WDR17: variants seen among roughly 807,000 people sequenced by gnomAD.
WDR17 encodes WD repeat-containing protein 17.
WDR17 carries 143 observed loss-of-function variants against 161.7 expected under a neutral mutation model. That is an observed-to-expected ratio of 0.88 (90% CI 0.77 to 1.02). The LOEUF is 1.02. Ranked by LOEUF, WDR17 falls within the 50% of genes least tolerant of loss-of-function variation. The probability of loss-of-function intolerance (pLI) is 0.00; values close to 1 mark genes in which losing one functional copy is unlikely to be tolerated. For synonymous variants in WDR17, 517 were observed against 515.6 expected, an observed-to-expected ratio of 1.00 and a Z score of -0.04; for missense variants, 1,469 against 1,520.9, an observed-to-expected ratio of 0.97 and a Z score of 0.57.
rs562347566 is a variant in WDR17 at position 176,093,057 on chromosome 4, G to T, written c.-6-18518G>T. Among the ~76,000 whole-genome samples, 29 of 151,680 alleles carry T rather than the reference G, an allele frequency of 1.9e-4. No individual in the cohort carries two copies. In the South Asian group the frequency reaches 6.1e-3, roughly 32 times the overall value. On this transcript the variant is annotated intron_variant, in intron 1 of 28. Coordinates refer to ENST00000508596, the MANE Select transcript of WDR17 (RefSeq NM_181265.4). ...ACTGTGTCTCAAAATAAAAAAGAAA[G>T]AAAAGAAAAGAAATCAAGAATGTAG...
chr4:176,144,983 T>C (rs1248077436), intron 11 of WDR17, among the ~76,000 whole-genome samples: 1 of 152,212 alleles, frequency 6.6e-6, no homozygotes, highest in Non-Finnish European at 1.5e-5. Context: ...CTTGAGAAGA[T>C]GTAATCTGCA....
At position 176,177,590 on chromosome 4, in the gene WDR17, C is replaced by T; in HGVS notation, c.3668C>T (p.Thr1223Ile). 2 of 1,596,754 alleles carry T rather than the reference C, an allele frequency of 1.3e-6. No individual in the cohort carries two copies. Among genetic ancestry groups the T allele is most frequent in the South Asian group, 1.1e-5 (1 of 87,768 alleles). ...GGAATTATTGGACCAGATTATGTGA[C>T]TGGATCAAATCTTCCAAGTCATTCT... is the stretch of plus-strand genomic sequence containing the variant. ...LKGIIGPDYV[T>I]GSNLPSHSDI... Residue 1223 changes from threonine (T) to isoleucine (I), a missense_variant, in exon 28 of 29, where the codon ACT becomes ATT. Physicochemically the swap from Thr to Ile is moderately conservative, Grantham distance 89. Coordinates refer to ENST00000508596, the MANE Select transcript of WDR17 (RefSeq NM_181265.4).
chr4:176,167,490 C>CA (rs781511820), intron 22 of WDR17, among the ~76,000 whole-genome samples: 4 of 150,062 alleles, frequency 2.7e-5, no homozygotes, highest in Non-Finnish European at 4.4e-5. Flanking sequence ...ACTAAAAATA[C>CA]AAAAAATTAG....
chr4:176,153,739 TAAATC>T (rs1419605086), intron 17 of WDR17, among the ~76,000 whole-genome samples: 2 of 152,160 alleles, frequency 1.3e-5, no homozygotes, highest in Non-Finnish European at 2.9e-5. Context: ...TACATTAAAA[TAAATC>T]AAAACTAAAT....
chr4:176,169,187 A>G (rs1482919565), intron 23 of WDR17, among the ~76,000 whole-genome samples: 1 of 152,180 alleles, frequency 6.6e-6, no homozygotes, highest in Non-Finnish European at 1.5e-5. Flanking sequence ...AATTTTTAAA[A>G]TAGACAACTT....
At chr4:176,107,458 G>A (rs912624066) in intron 1 of WDR17, among the ~76,000 whole-genome samples, 1 of 149,524 alleles carries the variant, frequency 6.7e-6, no homozygotes, top group Admixed American at 6.7e-5. Context: ...TGAAAGCAGG[G>A]TGTGGAAGAG....
At chr4:176,077,155 ATTTTTTTTTTTTT>A (rs66817611) in intron 1 of WDR17, among the ~76,000 whole-genome samples, 75,276 of 126,218 alleles carry the variant, frequency 0.6, 21,362 homozygotes, top group South Asian at 0.7. Context: ...TTTTCTCCCA[ATTTTTTTTTTTTT>A]TTTTTTTTTT....
At chr4:176,093,887 A>T (rs991568722) in intron 1 of WDR17, among the ~76,000 whole-genome samples, 1 of 152,230 alleles carries the variant, frequency 6.6e-6, no homozygotes, top group Non-Finnish European at 1.5e-5. Flanking sequence ...TTAATCTGAG[A>T]TTACATAATG....
chr4:176,152,561 G>C (rs191880906), intron 17 of WDR17, among the ~76,000 whole-genome samples: 1 of 124,912 alleles, frequency 8.0e-6, no homozygotes, highest in Non-Finnish European at 1.6e-5. Flanking sequence ...AGCCGAGATC[G>C]TGCCACTGTA....
Position 176,162,113 on chromosome 4 carries a change from A to G in WDR17, c.2789A>G (p.Tyr930Cys). The change falls in exon 21 of 29, where the codon TAT becomes TGT. Residue 930 changes from tyrosine (Y) to cysteine (C), a missense_variant. By Grantham distance (194) the Tyr-to-Cys change is radical (BLOSUM62 -2). Transcript: ENST00000508596. ...HKVSKELAEW[Y>C]FQDGRAVLAA... ...GTCAGTAAAGAACTGGCAGAATGGT[A>G]TTTTCAAGATGGTCGAGCAGTACTA... is the stretch of plus-strand genomic sequence containing the variant. The G allele has an allele frequency of 2.5e-6, 4 of 1,613,288 alleles. No homozygotes were observed. Among genetic ancestry groups the G allele is most frequent in the Non-Finnish European group, 3.4e-6 (4 of 1,179,514 alleles).
At chr4:176,104,080 A>G (rs919455796) in intron 1 of WDR17, among the ~76,000 whole-genome samples, 19 of 152,148 alleles carry the variant, frequency 1.2e-4, no homozygotes, top group African/African-American at 3.9e-4. Flanking sequence ...CTGATATGAA[A>G]CTTTAGAGAC....
chr4:176,132,741 CTCTT>C (rs983068084), intron 7 of WDR17, among the ~76,000 whole-genome samples: 1 of 151,858 alleles, frequency 6.6e-6, no homozygotes, highest in African/African-American at 2.4e-5. Flanking sequence ...TTTATATAAA[CTCTT>C]TCCTAGTGTG....
At chr4:176,074,077 T>C (rs1733624950) in intron 1 of WDR17, among the ~76,000 whole-genome samples, 1 of 151,948 alleles carries the variant, frequency 6.6e-6, no homozygotes, top group Non-Finnish European at 1.5e-5. Flanking sequence ...TGGTAGTTTC[T>C]TTTGCTGTGC....
intron 1 of WDR17, among the ~76,000 whole-genome samples, chr4:176,101,984 T>C (rs1350754515): frequency 1.3e-5 from 2 of 152,184 alleles, no homozygotes; most frequent in Non-Finnish European, 2.9e-5. Context: ...ACTTTTTAGA[T>C]ACAAAAGGTA....
intron 2 of WDR17, among the ~76,000 whole-genome samples, chr4:176,113,167 CT>C (rs1009527413): frequency 1.1e-4 from 16 of 151,912 alleles, no homozygotes; most frequent in African/African-American, 3.1e-4. Context: ...CCTTTACACT[CT>C]TTATATACTC....
chr4:176,073,923 A>C (rs909945553), intron 1 of WDR17, among the ~76,000 whole-genome samples: 10 of 150,254 alleles, frequency 6.7e-5, no homozygotes, highest in Admixed American at 4.0e-4. Context: ...ATGTCTGTTC[A>C]TATCCTTCAC....
Position 176,135,113 on chromosome 4 carries a change from T to C in WDR17, c.1104T>C (p.His368=). The change falls in exon 8 of 29, where the codon CAT becomes CAC. Residue 368 remains histidine, a synonymous_variant. Transcript: ENST00000508596. ...KKWDFLRDLG[H]VETIFDCKFK... ...TTTTTATGCCATATTCCTAGGGACA[T>C]GTGGAAACTATCTTTGACTGCAAAT... is the stretch of plus-strand genomic sequence containing the variant. 1.2e-6 allele frequency: 2 copies of C among 1,611,914 alleles called. No individual in the cohort carries two copies. The highest frequency in any genetic ancestry group is 1.1e-5 in the South Asian group (1 of 90,986).
chr4:176,093,978 A>G (rs574458245), intron 1 of WDR17, among the ~76,000 whole-genome samples: 1 of 152,354 alleles, frequency 6.6e-6, no homozygotes, highest in East Asian at 1.9e-4. Context: ...AGAAATAAGA[A>G]CTATTATATG....
At chr4:176,126,057 T>A (rs1330435310) in intron 5 of WDR17, among the ~76,000 whole-genome samples, 4 of 152,138 alleles carry the variant, frequency 2.6e-5, no homozygotes, top group Non-Finnish European at 5.9e-5. Flanking sequence ...TCTATATTAA[T>A]CCATTCATAA....
Sources: gnomAD v4.1 joint callset for allele counts (sites outside exome capture counted in the v4.1 genomes callset) on GRCh38, gnomAD v4.1.1 for gene constraint, MANE v1.5 for transcripts, NCBI Gene and HGNC (gene_info 2026-07-23, HGNC 2026-07-21) for gene names.